The following IGSF11 variants were observed in gnomAD, a reference collection of about 807,000 sequenced individuals.
IGSF11 encodes the protein immunoglobulin superfamily member 11, also known as CXADR like 1.
In IGSF11, 22 loss-of-function variants were observed where a neutral mutation model predicts 41.0. The observed-to-expected ratio is 0.54, with a 90% confidence interval of 0.38 to 0.77. The LOEUF (loss-of-function observed/expected upper bound fraction) is 0.77. Among genes scored for constraint, IGSF11 ranks in the 30% least tolerant of loss-of-function variants. The pLI, the probability that IGSF11 is intolerant of heterozygous loss-of-function variation, is 0.00. For synonymous variants in IGSF11, 219 were observed against 201.3 expected, an observed-to-expected ratio of 1.09 and a Z score of -0.74; for missense variants, 444 against 530.8, an observed-to-expected ratio of 0.84 and a Z score of 1.61.
intron 1 of IGSF11, among the ~76,000 whole-genome samples, chr3:118,989,487 G>T (rs1246210705): frequency 2.0e-5 from 3 of 152,100 alleles, no homozygotes; most frequent in African/African-American, 7.2e-5. Context: ...TGAGTAGCTG[G>T]GACTACAGGC....
At chr3:118,927,518 G>C (rs921758944) in intron 3 of IGSF11, among the ~76,000 whole-genome samples, 3 of 152,066 alleles carry the variant, frequency 2.0e-5, no homozygotes, top group Non-Finnish European at 4.4e-5. Context: ...TTGGTCATCA[G>C]TTTTTTTATT....
At chr3:119,044,563 C>T (rs770610783) in intron 1 of IGSF11, among the ~76,000 whole-genome samples, 15 of 152,138 alleles carry the variant, frequency 9.9e-5, no homozygotes, top group Admixed American at 2.0e-4. Context: ...TCAAGGAACA[C>T]CTGGTAAGTT....
intron 1 of IGSF11, among the ~76,000 whole-genome samples, chr3:119,055,868 A>T (rs1247165128): frequency 6.6e-6 from 1 of 152,230 alleles, no homozygotes. Context: ...CTCCTGAATG[A>T]CTACTGGGTA....
At chr3:118,955,183 T>A (rs1293838126) in intron 1 of IGSF11, among the ~76,000 whole-genome samples, 1 of 151,242 alleles carries the variant, frequency 6.6e-6, no homozygotes. Flanking sequence ...AATGAGTGGA[T>A]AAAGAAATTG....
rs529857251 is a variant in IGSF11 at position 118,985,988 on chromosome 3, T to C, written c.52+48543A>G. ...CTCAGCACGACAAAAAGGACTTCCA[T>C]GGGCTGGCCATTAACAGCTTCCCCT... is the stretch of plus-strand genomic sequence containing the variant. On this transcript the variant is annotated intron_variant, in intron 1 of 6. Transcript: ENST00000393775. Among the ~76,000 whole-genome samples, 8 of 152,328 alleles carry C rather than the reference T, an allele frequency of 5.3e-5. No individual in the cohort carries two copies. The South Asian group carries it at 1.5e-3, about 28-fold the overall frequency.
intron 1 of IGSF11, among the ~76,000 whole-genome samples, chr3:119,137,320 T>C (rs1270058540): frequency 6.6e-6 from 1 of 152,154 alleles, no homozygotes; most frequent in East Asian, 1.9e-4. Flanking sequence ...CTTCAAATTA[T>C]ACTAAAGATC....
chr3:119,116,060 T>C (rs2077252016), intron 1 of IGSF11, among the ~76,000 whole-genome samples: 1 of 152,216 alleles, frequency 6.6e-6, no homozygotes, highest in African/African-American at 2.4e-5. Context: ...AATTTTGTTT[T>C]TCACTTAATT....
intron 1 of IGSF11, among the ~76,000 whole-genome samples, chr3:119,139,263 G>T (rs956032687): frequency 6.6e-6 from 1 of 152,096 alleles, no homozygotes; most frequent in African/African-American, 2.4e-5. Flanking sequence ...ATACTAAAAT[G>T]AGTCCTTCAG....
chr3:118,933,065 G>C (rs1377513503), intron 1 of IGSF11, among the ~76,000 whole-genome samples: 1 of 152,202 alleles, frequency 6.6e-6, no homozygotes, highest in Admixed American at 6.5e-5. Context: ...CAAGCCTCTG[G>C]GGCAGCAGAA....
chr3:118,974,524 T>C (rs1162702961), intron 1 of IGSF11, among the ~76,000 whole-genome samples: 1 of 152,214 alleles, frequency 6.6e-6, no homozygotes, highest in East Asian at 1.9e-4. Flanking sequence ...TAATCTTACG[T>C]GAGAGTCGAG....
intron 1 of IGSF11, among the ~76,000 whole-genome samples, chr3:119,028,024 C>G (rs1046862177): frequency 6.6e-6 from 1 of 151,674 alleles, no homozygotes; most frequent in Non-Finnish European, 1.5e-5. Flanking sequence ...CCCATGGGAG[C>G]TAACAGAAGT....
At position 118,928,503 on chromosome 3, in the gene IGSF11, A is replaced by C; in HGVS notation, c.424+6T>G. 1 of 1,609,554 alleles carries C rather than the reference A, an allele frequency of 6.2e-7. No individual in the cohort carries two copies. Among genetic ancestry groups the C allele is most frequent in the South Asian group, 1.1e-5 (1 of 90,932 alleles). On this transcript the variant is annotated splice_donor_region_variant and intron_variant, in intron 3 of 6. Transcript: ENST00000393775. ...CCGAACAGCCAAGGACTCTTGTGTC[A>C]CTCACCTAACACTGTGAGACCGGTG... is the stretch of plus-strand genomic sequence containing the variant.
intron 4 of IGSF11, among the ~76,000 whole-genome samples, chr3:118,907,954 T>C (rs1368969385): frequency 6.6e-6 from 1 of 152,232 alleles, no homozygotes; most frequent in Non-Finnish European, 1.5e-5. Flanking sequence ...TCCCTCTTCA[T>C]GTACACATGT....
At chr3:119,029,010 T>A (rs745951204) in intron 1 of IGSF11, among the ~76,000 whole-genome samples, 10 of 151,830 alleles carry the variant, frequency 6.6e-5, no homozygotes, top group Non-Finnish European at 1.2e-4. Flanking sequence ...CAACCTCCCA[T>A]GAATCTATAT....
intron 1 of IGSF11, among the ~76,000 whole-genome samples, chr3:119,054,129 C>A (rs1459734171): frequency 1.3e-5 from 2 of 151,936 alleles, no homozygotes; most frequent in African/African-American, 2.4e-5. Flanking sequence ...GACCAAGAAC[C>A]CAAAAGCAAA....
chr3:119,143,819 T>A (rs1057419919), intron 1 of IGSF11, among the ~76,000 whole-genome samples: 4 of 152,192 alleles, frequency 2.6e-5, no homozygotes, highest in Admixed American at 2.6e-4. Context: ...GCTATACTAT[T>A]ATCAGACAAA....
intron 1 of IGSF11, among the ~76,000 whole-genome samples, chr3:119,142,374 A>G (rs2077661837): frequency 6.6e-6 from 1 of 152,044 alleles, no homozygotes; most frequent in South Asian, 2.1e-4. Context: ...AACTGTCCAG[A>G]CTTTACCTTT....
At chr3:119,003,425 A>G (rs1937115903) in intron 1 of IGSF11, among the ~76,000 whole-genome samples, 6 of 150,644 alleles carry the variant, frequency 4.0e-5, no homozygotes, top group South Asian at 2.1e-4. Context: ...GCAAACAGGG[A>G]CAATTTGACT....
chr3:119,034,666 T>G lies in IGSF11; in HGVS notation c.-84A>C. 6.9e-7 allele frequency: 1 copy of G among 1,452,652 alleles called. No homozygotes were observed. The highest frequency in any genetic ancestry group is 9.1e-7 in the Non-Finnish European group (1 of 1,094,386). 90.0% of individuals were successfully genotyped at this position (1,452,652 alleles called of 1,614,324 possible). A position where few individuals can be genotyped will look rare whatever the true frequency, so the allele number is the denominator to read the frequency against. ...GAGCGGGCGTGAGTCTCCGCGCTCT[T>G]GGGGCAGCCTGGTCCTCCCACACCC... On this transcript the variant is annotated 5_prime_UTR_variant, in exon 1 of 7. Transcript: ENST00000393775.
Sources: gnomAD v4.1 joint callset for allele counts (sites outside exome capture counted in the v4.1 genomes callset) on GRCh38, gnomAD v4.1.1 for gene constraint, MANE v1.5 for transcripts, NCBI Gene and HGNC (gene_info 2026-07-23, HGNC 2026-07-21) for gene names.